Variants in PRKDC observed in about 807,000 individuals in gnomAD.
PRKDC encodes the protein protein kinase, DNA-activated, catalytic subunit.
In PRKDC, 82 loss-of-function variants were observed where a neutral mutation model predicts 486.9. The observed-to-expected ratio is 0.17, with a 90% CI of 0.14 to 0.20. The LOEUF is 0.20. Ranked by LOEUF, PRKDC falls within the 10% of genes least tolerant of loss-of-function variation. The probability of loss-of-function intolerance (pLI) is 1.00; values close to 1 mark genes in which losing one functional copy is unlikely to be tolerated. For missense variants in PRKDC, 4,504 were observed against 5,038.2 expected (o/e 0.89, Z 3.21); for synonymous variants, 1,895 against 1,837.0 (o/e 1.03, Z -0.81).
intron 44 of PRKDC, 120 bp from the exon 45 acceptor site, chr8:47,861,091 T>G (rs1297194884): frequency 1.4e-6 from 1 of 710,084 alleles, no homozygotes; most frequent in Non-Finnish European, 2.2e-6. Context: ...CAAAACAAAT[T>G]TAAAAGCACT....
At chr8:47,841,499 A>G (rs531267949) in intron 54 of PRKDC, among the ~76,000 whole-genome samples, 1 of 152,140 alleles carries the variant, frequency 6.6e-6, no homozygotes, top group East Asian at 1.9e-4. Flanking sequence ...GTGCTTTGCC[A>G]GTGGCCTTGG....
intron 19 of PRKDC, among the ~76,000 whole-genome samples, chr8:47,928,396 A>C (rs1414964806): frequency 6.6e-6 from 1 of 151,908 alleles, no homozygotes; most frequent in East Asian, 1.9e-4. Context: ...CAAGTGATCC[A>C]CCCACCTTGG....
At chr8:47,815,392 C>T (rs1238039166) in intron 68 of PRKDC, among the ~76,000 whole-genome samples, 1 of 152,180 alleles carries the variant, frequency 6.6e-6, no homozygotes, top group African/African-American at 2.4e-5. Context: ...TAAACACCTA[C>T]CCCTACCTCA....
At chr8:47,939,066 C>T (rs2090397946) in intron 11 of PRKDC, among the ~76,000 whole-genome samples, 1 of 151,962 alleles carries the variant, frequency 6.6e-6, no homozygotes, top group Admixed American at 6.5e-5. Flanking sequence ...GACAAGTTTC[C>T]TAATTTCTCT....
chr8:47,832,467 G>C (rs1197268870), intron 59 of PRKDC, among the ~76,000 whole-genome samples: 2 of 152,132 alleles, frequency 1.3e-5, no homozygotes, highest in African/African-American at 4.8e-5. Flanking sequence ...GTTAAAAGCA[G>C]ATCATGCAGG....
chr8:47,777,024 G>T (rs2086620822), intron 84 of PRKDC, 41 bp from the exon 85 acceptor site: 3 of 1,588,472 alleles, frequency 1.9e-6, no homozygotes, highest in Non-Finnish European at 2.6e-6. Context: ...GATCATAATG[G>T]TATATACAAT....
chr8:47,847,171 G>A (rs753622458), intron 54 of PRKDC, among the ~76,000 whole-genome samples: 2 of 152,064 alleles, frequency 1.3e-5, no homozygotes, highest in Non-Finnish European at 1.5e-5. Context: ...CCAAAAAAGA[G>A]CCCGAATAGC....
chr8:47,953,668 T>C lies in PRKDC; in HGVS notation c.673A>G (p.Lys225Glu). The C allele has an allele frequency of 6.2e-7, 1 of 1,613,644 alleles. No individual in the cohort carries two copies. Among genetic ancestry groups the C allele is most frequent in the East Asian group, 2.2e-5 (1 of 44,882 alleles). ...PKLPVLAGCL[K>E]GLSSLLCNFT... is the part of the protein sequence containing the mutation. The stretch of plus-strand genomic sequence containing the variant: ...TTGCACAGAAGTGAGGACAACCCCT[T>C]CAGACATCCTGCCAGAACAGGTAGT... Residue 225 changes from lysine to glutamate, a missense_variant, in exon 7 of 86, where the codon AAG becomes GAG. By Grantham distance (56) the Lys-to-Glu change is moderately conservative (BLOSUM62 1). Around this residue, in one of 6 missense-constraint regions of PRKDC, gnomAD observed 1,969 missense variants for 2,068.9 expected, o/e 0.95. Coordinates refer to ENST00000314191, the MANE Select transcript of PRKDC (RefSeq NM_006904.7).
At chr8:47,914,497 T>C (rs1317150691) in intron 23 of PRKDC, among the ~76,000 whole-genome samples, 1 of 152,134 alleles carries the variant, frequency 6.6e-6, no homozygotes, top group Non-Finnish European at 1.5e-5. Flanking sequence ...TAATCAAAAA[T>C]GTAGACTTTT....
At position 47,800,872 on chromosome 8, in the gene PRKDC, G is replaced by C. The variant is rs760310638; in HGVS notation, c.10037C>G (p.Ala3346Gly). The C allele has an allele frequency of 6.2e-7, 1 of 1,613,648 alleles. No homozygotes were observed. Among genetic ancestry groups the C allele is most frequent in the South Asian group, 1.1e-5 (1 of 90,982 alleles). Residue 3346 changes from alanine to glycine, a missense_variant, in exon 71 of 86, where the codon GCC (alanine) becomes GGC (glycine). This residue lies in a region of PRKDC where 1,592 missense variants were observed against 1,724.6 expected (regional missense o/e 0.92). Coordinates refer to ENST00000314191, the MANE Select transcript of PRKDC (RefSeq NM_006904.7). The stretch of plus-strand genomic sequence containing the variant: ...GTCCTCCTCGATTTCAGCAAGGCAG[G>C]CTGGCTCACTGCTGAGAGCATTCGC... ...IIANALSSEP[A>G]CLAEIEEDKA... is the part of the protein sequence containing the mutation.
chr8:47,781,057 T>C (rs2086691031), intron 80 of PRKDC, among the ~76,000 whole-genome samples: 1 of 152,202 alleles, frequency 6.6e-6, no homozygotes, highest in Non-Finnish European at 1.5e-5. Context: ...TTCCATTATG[T>C]AAGGTGCTTT....
In PRKDC at chr8:47,901,230, C is replaced by CT. The variant is rs1048658403; in HGVS notation, c.3270-764dup. On this transcript the variant is annotated intron_variant, in intron 27 of 85. Coordinates refer to ENST00000314191, the MANE Select transcript of PRKDC (RefSeq NM_006904.7). ...GTGGCTCACACCTGTAATCCTAGAA[C>CT]TTTGGGAGGCTGAGGCAGGGATCAC... Among the ~76,000 whole-genome samples, 4 of 151,788 alleles carry CT rather than the reference C, an allele frequency of 2.6e-5. No individual in the cohort carries two copies. In the South Asian group the frequency reaches 8.3e-4, roughly 32 times the overall value.
chr8:47,922,910 G>A (rs2090095285), intron 21 of PRKDC, among the ~76,000 whole-genome samples: 1 of 152,120 alleles, frequency 6.6e-6, no homozygotes, highest in Non-Finnish European at 1.5e-5. Context: ...GAATATGAAA[G>A]GACATTAACA....
At chr8:47,833,084 G>A (rs979242502) in intron 59 of PRKDC, among the ~76,000 whole-genome samples, 6 of 152,134 alleles carry the variant, frequency 3.9e-5, no homozygotes, top group African/African-American at 1.2e-4. Context: ...CCCATTCTCA[G>A]CACCCAGGTG....
intron 40 of PRKDC, among the ~76,000 whole-genome samples, chr8:47,868,729 T>C (rs189108377): frequency 1.2e-4 from 19 of 152,238 alleles, no homozygotes; most frequent in Middle Eastern, 3.4e-3. Context: ...TGAGTGATCA[T>C]TGTACCTGGT....
At chr8:47,866,981 T>G (rs942878885) in intron 40 of PRKDC, among the ~76,000 whole-genome samples, 3 of 152,148 alleles carry the variant, frequency 2.0e-5, no homozygotes, top group Non-Finnish European at 4.4e-5. Context: ...CAAGTGATCC[T>G]CCTGCCTCAG....
rs753510260 is a variant in PRKDC at position 47,904,983 on chromosome 8, A to G, written c.2935-7T>C. ...CATACAGTTGCCTTGTCACCTGAAG[A>G]AACAATACCATTAAAGTTAATTCCC... On this transcript the variant is annotated splice_region_variant and splice_polypyrimidine_tract_variant and intron_variant, in intron 25 of 85. Coordinates refer to ENST00000314191, the MANE Select transcript of PRKDC (RefSeq NM_006904.7). The G allele has an allele frequency of 1.9e-6, 3 of 1,583,138 alleles. No individual in the cohort carries two copies. Among genetic ancestry groups the G allele is most frequent in the Non-Finnish European group, 2.6e-6 (3 of 1,152,824 alleles).
At chr8:47,806,169 C>G (rs1188310091) in intron 69 of PRKDC, among the ~76,000 whole-genome samples, 2 of 152,224 alleles carry the variant, frequency 1.3e-5, no homozygotes, top group Non-Finnish European at 2.9e-5. Flanking sequence ...TTGCTGACAT[C>G]TCTCTTCTTT....
intron 32 of PRKDC, 55 bp from the exon 33 acceptor site, chr8:47,889,277 C>A: frequency 1.4e-6 from 2 of 1,453,960 alleles, no homozygotes; most frequent in South Asian, 2.7e-5. Context: ...CTATTTTCAC[C>A]AAAGTGCAGG....
Sources: gnomAD v4.1 joint callset for allele counts (sites outside exome capture counted in the v4.1 genomes callset) on GRCh38, gnomAD v4.1.1 for gene constraint, gnomAD v4.1.1 regional missense constraint, MANE v1.5 for transcripts, NCBI Gene and HGNC (gene_info 2026-07-23, HGNC 2026-07-21) for gene names.